The following RBPJ variants were observed in gnomAD, a reference collection of about 807,000 sequenced individuals.
The protein encoded by RBPJ is recombination signal binding protein for immunoglobulin kappa J region, also known as recombining binding protein suppressor of hairless.
In RBPJ, 9 loss-of-function variants were observed where a neutral mutation model predicts 67.8. The ratio of observed to expected loss-of-function variants is 0.13; its 90% CI spans 0.08 to 0.23. The LOEUF (loss-of-function observed/expected upper bound fraction) is 0.23, where lower values mean the gene tolerates loss of function less well. Among genes scored for constraint, RBPJ ranks in the 10% least tolerant of loss-of-function variants. RBPJ has a pLI of 1.00. For synonymous variants in RBPJ, 198 were observed against 203.3 expected, an observed-to-expected ratio of 0.97 and a Z score of 0.22; for missense variants, 305 against 595.6, an observed-to-expected ratio of 0.51 and a Z score of 5.08.
chr4:26,169,764 G>A (rs190063714), intron 1 of RBPJ, among the ~76,000 whole-genome samples: 1,981 of 152,260 alleles, frequency 0.013, 50 homozygotes, highest in African/African-American at 0.046. Flanking sequence ...TTACCTAAGC[G>A]AGCCTGGGCA....
chr4:26,376,294 C>T (rs528123986), intron 1 of RBPJ, among the ~76,000 whole-genome samples: 3 of 152,278 alleles, frequency 2.0e-5, no homozygotes, highest in South Asian at 2.1e-4. Flanking sequence ...ATTCTCCCTT[C>T]CCCCCAGGTC....
intron 1 of RBPJ, among the ~76,000 whole-genome samples, chr4:26,334,936 CTG>C (rs1232384088): frequency 6.6e-6 from 1 of 152,126 alleles, no homozygotes; most frequent in Non-Finnish European, 1.5e-5. Flanking sequence ...GACTTTATGT[CTG>C]TGTCATTAGT....
the RBPJ span, among the ~76,000 whole-genome samples, chr4:26,128,630 T>C: frequency 6.6e-6 from 1 of 152,216 alleles, no homozygotes; most frequent in African/African-American, 2.4e-5. Flanking sequence ...ATATACAATA[T>C]ACACTATTCC....
At chr4:26,238,961 A>T (rs1319907966) in intron 1 of RBPJ, among the ~76,000 whole-genome samples, 1 of 152,120 alleles carries the variant, frequency 6.6e-6, no homozygotes, top group Non-Finnish European at 1.5e-5. Flanking sequence ...GCAGACGCAG[A>T]AGAAAACACT....
intron 1 of RBPJ, among the ~76,000 whole-genome samples, chr4:26,246,866 G>A (rs1035586982): frequency 3.3e-5 from 5 of 151,948 alleles, no homozygotes; most frequent in Non-Finnish European, 5.9e-5. Flanking sequence ...GAGGGGCCGC[G>A]CACCACTACT....
upstream of RBPJ, among the ~76,000 whole-genome samples, chr4:26,161,764 C>T (rs1320110597): frequency 6.6e-6 from 1 of 152,212 alleles, no homozygotes; most frequent in Non-Finnish European, 1.5e-5. Flanking sequence ...TAGACGTTCA[C>T]CCTTTAGTGG....
chr4:26,138,734 G>A, the RBPJ span, among the ~76,000 whole-genome samples: 1 of 152,228 alleles, frequency 6.6e-6, no homozygotes, highest in African/African-American at 2.4e-5. Flanking sequence ...CTAGAGAGCA[G>A]CTTAGAAGCA....
At chr4:26,175,070 C>G (rs753327275) in intron 1 of RBPJ, among the ~76,000 whole-genome samples, 2 of 152,268 alleles carry the variant, frequency 1.3e-5, no homozygotes, top group African/African-American at 2.4e-5. Flanking sequence ...AAATCCAAAA[C>G]TTTCCTCTAT....
intron 1 of RBPJ, among the ~76,000 whole-genome samples, chr4:26,232,772 G>A (rs1202237855): frequency 1.3e-5 from 2 of 152,188 alleles, no homozygotes; most frequent in Non-Finnish European, 2.9e-5. Flanking sequence ...ACAGTTGTGT[G>A]GCTGGGAGCA....
chr4:26,275,208 C>T (rs937594407), intron 1 of RBPJ, among the ~76,000 whole-genome samples: 1 of 152,172 alleles, frequency 6.6e-6, no homozygotes, highest in Non-Finnish European at 1.5e-5. Flanking sequence ...GGTGTGGAAC[C>T]GTGCTCTTTT....
chr4:26,132,815 C>A, the RBPJ span, among the ~76,000 whole-genome samples: 4 of 152,324 alleles, frequency 2.6e-5, no homozygotes, highest in Admixed American at 2.0e-4. Flanking sequence ...TCAACCCCCC[C>A]ACCCCACATC....
At chr4:26,293,768 CT>C (rs1721755897) in intron 1 of RBPJ, among the ~76,000 whole-genome samples, 1 of 152,106 alleles carries the variant, frequency 6.6e-6, no homozygotes, top group South Asian at 2.1e-4. Context: ...TTTTTTTCTT[CT>C]TTTTTTGAGA....
At chr4:26,290,498 G>A (rs993156161) in intron 1 of RBPJ, among the ~76,000 whole-genome samples, 20 of 150,072 alleles carry the variant, frequency 1.3e-4, no homozygotes, top group Non-Finnish European at 7.4e-5. Flanking sequence ...AAAAGCTTTG[G>A]CCAATTTTTT....
intron 2 of RBPJ, among the ~76,000 whole-genome samples, chr4:26,401,936 T>C (rs1231191713): frequency 6.7e-6 from 1 of 150,342 alleles, no homozygotes; most frequent in African/African-American, 2.5e-5. Flanking sequence ...TTGCCCAGGC[T>C]GGAGTGCAAT....
At chr4:26,288,352 G>A (rs1367054565) in intron 1 of RBPJ, among the ~76,000 whole-genome samples, 1 of 152,206 alleles carries the variant, frequency 6.6e-6, no homozygotes, top group African/African-American at 2.4e-5. Flanking sequence ...TCTCATGGCC[G>A]ATGGCAGAGT....
At chr4:26,290,478 C>A (rs773653872) in intron 1 of RBPJ, among the ~76,000 whole-genome samples, 3 of 150,406 alleles carry the variant, frequency 2.0e-5, no homozygotes, top group Admixed American at 1.3e-4. Context: ...GTGTGAGAAG[C>A]AAAGCTATCA....
chr4:26,320,685 T>C (rs894888870), upstream of RBPJ: 2 of 1,504,082 alleles, frequency 1.3e-6, no homozygotes, highest in Non-Finnish European at 1.8e-6. Flanking sequence ...AGTAATCCCC[T>C]CCGGTTTTCC....
chr4:26,403,333 C>T (rs1278798429), intron 2 of RBPJ, among the ~76,000 whole-genome samples: 1 of 151,542 alleles, frequency 6.6e-6, no homozygotes, highest in Non-Finnish European at 1.5e-5. Flanking sequence ...TAATGAATAA[C>T]CATATAACAA....
intron 1 of RBPJ, among the ~76,000 whole-genome samples, chr4:26,379,650 C>CGAGGGAGG (rs1730117170): frequency 6.6e-6 from 1 of 152,110 alleles, no homozygotes; most frequent in Admixed American, 6.5e-5. Context: ...CCAGGTTCCT[C>CGAGGGAGG]CCTCGACACA....
Sources: allele counts gnomAD v4.1 joint callset (sites outside exome capture counted in the v4.1 genomes callset), GRCh38; gene constraint gnomAD v4.1.1; transcripts MANE v1.5; gene names NCBI Gene and HGNC (gene_info 2026-07-23, HGNC 2026-07-21).